EPHA5: variants seen among roughly 807,000 people sequenced by gnomAD.
EPHA5 encodes EPH receptor A5.
A neutral mutation model predicts 105.0 loss-of-function variants in EPHA5; 60 were observed. That is an observed-to-expected ratio of 0.57 (90% confidence interval 0.46 to 0.71). EPHA5 has a LOEUF of 0.71. Among genes scored for constraint, EPHA5 ranks in the 30% least tolerant of loss-of-function variants. EPHA5 has a pLI of 0.00. For synonymous variants in EPHA5, 513 were observed against 449.1 expected (o/e 1.14, Z -1.80); for missense variants, 1,218 against 1,274.7 (o/e 0.96, Z 0.68).
intron 5 of EPHA5, among the ~76,000 whole-genome samples, chr4:65,478,337 A>G (rs1730031479): frequency 6.6e-6 from 1 of 152,214 alleles, no homozygotes; most frequent in Admixed American, 6.5e-5. Flanking sequence ...TATCAAATTA[A>G]TATCCATCCA....
rs531664156 is a variant in EPHA5 at position 65,574,508 on chromosome 4, T to C, written c.910+27133A>G. 6.7e-5 allele frequency among the ~76,000 whole-genome samples: 10 copies of C among 148,424 alleles called. No homozygotes were observed. In the East Asian group the frequency reaches 2.0e-3, roughly 29 times the overall value. ...TTGTGTAAATAAAAATTTATTAAAATGTCATTCCACATAATGTAGTCTAAA... is the reference window on the plus strand; with the variant it reads ...TTGTGTAAATAAAAATTTATTAAAACGTCATTCCACATAATGTAGTCTAAA... On this transcript the variant is annotated intron_variant, in intron 3 of 16. Transcript: ENST00000613740.
At chr4:65,549,242 A>G (rs773863694) in intron 3 of EPHA5, among the ~76,000 whole-genome samples, 1 of 152,162 alleles carries the variant, frequency 6.6e-6, no homozygotes, top group Non-Finnish European at 1.5e-5. Flanking sequence ...GTCCTGAAAG[A>G]AAATAACTGG....
At chr4:65,422,831 A>G (rs1453522084) in intron 5 of EPHA5, among the ~76,000 whole-genome samples, 1 of 152,116 alleles carries the variant, frequency 6.6e-6, no homozygotes, top group East Asian at 1.9e-4. Context: ...ATAGAAAAAT[A>G]AGATAATAGC....
At chr4:65,360,776 T>A (rs1323695336) in intron 11 of EPHA5, among the ~76,000 whole-genome samples, 1 of 151,680 alleles carries the variant, frequency 6.6e-6, no homozygotes, top group Non-Finnish European at 1.5e-5. Flanking sequence ...TCTAACTAGC[T>A]TAAGATCTTT....
At chr4:65,436,734 A>C (rs989398330) in intron 5 of EPHA5, among the ~76,000 whole-genome samples, 2 of 152,012 alleles carry the variant, frequency 1.3e-5, no homozygotes, top group African/African-American at 4.8e-5. Flanking sequence ...TAAGATTACC[A>C]GAACGATAAC....
chr4:65,633,302 A>C (rs915409054), intron 2 of EPHA5, among the ~76,000 whole-genome samples: 2 of 151,974 alleles, frequency 1.3e-5, no homozygotes, highest in Non-Finnish European at 2.9e-5. Flanking sequence ...TTGCTTTCAA[A>C]ATTAATTCAA....
chr4:65,506,998 AG>A lies in EPHA5; in HGVS notation c.911-11456del, dbSNP rs562975166. On this transcript the variant is annotated intron_variant, in intron 3 of 16. Coordinates refer to ENST00000613740, the MANE Select transcript of EPHA5 (RefSeq NM_001281766.3). ...TTTCTTCTAGGGTTTCTATGGTTTT[AG>A]GTCTAACATTTAAGTCTTTAATCCA... Among the ~76,000 whole-genome samples, 454 of 151,810 alleles carry A rather than the reference AG, an allele frequency of 3.0e-3. 3 individuals carry two copies. Among genetic ancestry groups the A allele is most frequent in the African/African-American group, 0.011 (434 of 41,124 alleles).
At chr4:65,606,077 A>G (rs778153236) in intron 2 of EPHA5, among the ~76,000 whole-genome samples, 5 of 152,126 alleles carry the variant, frequency 3.3e-5, no homozygotes, top group Non-Finnish European at 7.4e-5. Context: ...CTCTGCCTCA[A>G]AGGGTGGATT....
intron 3 of EPHA5, among the ~76,000 whole-genome samples, chr4:65,567,140 G>A (rs971574190): frequency 6.6e-6 from 1 of 151,606 alleles, no homozygotes; most frequent in East Asian, 1.9e-4. Context: ...CAATCTTTAA[G>A]TTCATAGATC....
intron 3 of EPHA5, among the ~76,000 whole-genome samples, chr4:65,511,594 A>ATATG (rs1733634192): frequency 6.6e-6 from 1 of 152,184 alleles, no homozygotes; most frequent in Non-Finnish European, 1.5e-5. Flanking sequence ...GAATCCTTTA[A>ATATG]TATGTGTTTA....
chr4:65,598,883 C>A (rs562751941), intron 3 of EPHA5, among the ~76,000 whole-genome samples: 1 of 152,154 alleles, frequency 6.6e-6, no homozygotes, highest in East Asian at 1.9e-4. Flanking sequence ...TGAAAGATAA[C>A]TGGAGCAAAA....
chr4:65,627,866 A>G (rs930955525), intron 2 of EPHA5, among the ~76,000 whole-genome samples: 2 of 152,140 alleles, frequency 1.3e-5, no homozygotes, highest in African/African-American at 4.8e-5. Flanking sequence ...GTTATAATTG[A>G]CCATCATGTC....
intron 3 of EPHA5, among the ~76,000 whole-genome samples, chr4:65,579,377 AAT>A (rs959016483): frequency 1.1e-5 from 1 of 92,268 alleles, no homozygotes; most frequent in Admixed American, 9.6e-5. Flanking sequence ...TATATATATA[AAT>A]ATATATATAT....
intron 3 of EPHA5, among the ~76,000 whole-genome samples, chr4:65,584,660 T>C (rs1741944363): frequency 6.6e-6 from 1 of 151,964 alleles, no homozygotes; most frequent in African/African-American, 2.4e-5. Context: ...TGTTACTATT[T>C]TAGTACATAA....
intron 3 of EPHA5, among the ~76,000 whole-genome samples, chr4:65,576,346 G>A (rs1365248320): frequency 6.6e-6 from 1 of 152,158 alleles, no homozygotes; most frequent in African/African-American, 2.4e-5. Context: ...GCAGTAGGTG[G>A]AATGTGCAAA....
At chr4:65,587,730 C>T (rs1742260153) in intron 3 of EPHA5, among the ~76,000 whole-genome samples, 1 of 152,142 alleles carries the variant, frequency 6.6e-6, no homozygotes, top group African/African-American at 2.4e-5. Context: ...CTTTGCTTTG[C>T]TCACTCAGTC....
intron 8 of EPHA5, among the ~76,000 whole-genome samples, chr4:65,377,893 G>A (rs1487415351): frequency 2.0e-5 from 3 of 151,898 alleles, no homozygotes; most frequent in Admixed American, 6.6e-5. Flanking sequence ...TTTTTTAAAT[G>A]AGTAGCATTC....
chr4:65,419,431 T>C (rs560312569), intron 6 of EPHA5, among the ~76,000 whole-genome samples: 1 of 152,262 alleles, frequency 6.6e-6, no homozygotes, highest in South Asian at 2.1e-4. Context: ...GGAAAAGCAA[T>C]TGAGTAAGTA....
rs931311579 is a variant in EPHA5, at chr4:65,355,513, G to A, written c.2174-2410C>T. Among the ~76,000 whole-genome samples, 5 of 151,378 alleles carry A rather than the reference G, an allele frequency of 3.3e-5. No individual in the cohort carries two copies. The South Asian group carries it at 6.2e-4, about 19-fold the overall frequency. ...CACAGTTCTGCTTTGGGCTCTTTTC[G>A]TCCCATTCTCACATCTCTGAGCCCA... On this transcript the variant is annotated intron_variant, in intron 11 of 16. Transcript: ENST00000613740.
Sources: allele counts gnomAD v4.1 joint callset (sites outside exome capture counted in the v4.1 genomes callset), GRCh38; gene constraint gnomAD v4.1.1; transcripts MANE v1.5; gene names NCBI Gene and HGNC (gene_info 2026-07-23, HGNC 2026-07-21).